Variants in ACOT1 observed in about 807,000 individuals in gnomAD.
ACOT1 encodes acyl-CoA thioesterase 1.
A neutral mutation model predicts 15.7 loss-of-function variants in ACOT1; 8 were observed. That is an observed-to-expected ratio of 0.51 (90% confidence interval 0.30 to 0.92). The LOEUF is 0.92. Among genes scored for constraint, ACOT1 ranks in the 40% least tolerant of loss-of-function variants. The pLI, the probability that ACOT1 is intolerant of heterozygous loss-of-function variation, is 0.06. For synonymous variants in ACOT1, 67 were observed against 241.2 expected (o/e 0.28, Z 6.69); for missense variants, 151 against 539.4 (o/e 0.28, Z 7.13).
chr14:73,524,322 T>A, the ACOT1 span, among the ~76,000 whole-genome samples: 1,165 of 129,450 alleles, frequency 9.0e-3, 8 homozygotes, highest in Non-Finnish European at 0.014. Flanking sequence ...TATATATATA[T>A]ATATATATAT....
At chr14:73,502,189 G>C in the ACOT1 span, among the ~76,000 whole-genome samples, 65 of 151,860 alleles carry the variant, frequency 4.3e-4, no homozygotes, top group South Asian at 0.013. Context: ...CCACTGGGCT[G>C]GGCCTCCTGT....
chr14:73,519,024 T>C, the ACOT1 span: 2 of 1,611,938 alleles, frequency 1.2e-6, no homozygotes, highest in Non-Finnish European at 1.7e-6. Flanking sequence ...CCTGCTTACA[T>C]GCTTCAGGAA....
At chr14:73,535,498 T>C (rs1383972548), upstream of ACOT1, among the ~76,000 whole-genome samples, 9 of 54,758 alleles carry the variant, frequency 1.6e-4, 1 homozygote, top group Admixed American at 7.4e-4. Flanking sequence ...TTTTTTTTTT[T>C]TTTTTTTTTG....
In ACOT1 at chr14:73,539,742, C is replaced by T. The variant is rs1482168456; in HGVS notation, c.458-1751C>T. On this transcript the variant is annotated intron_variant, in intron 1 of 2. Coordinates refer to ENST00000311148, the MANE Select transcript of ACOT1 (RefSeq NM_001037161.2). The stretch of plus-strand genomic sequence containing the variant: ...GGATGCCGTCTGGAAGCTGCCAGCA[C>T]GCGGTCCCTGTCCATCAGCACACGC... 2.5e-5 allele frequency: 3 copies of T among 118,538 alleles called. 1 individual carries two copies. Among genetic ancestry groups the T allele is most frequent in the Non-Finnish European group, 5.5e-5 (3 of 54,164 alleles). 7.3% of individuals were successfully genotyped at this position (118,538 alleles called of 1,614,324 possible).
At chr14:73,527,069 C>T in the ACOT1 span, among the ~76,000 whole-genome samples, 5 of 152,136 alleles carry the variant, frequency 3.3e-5, no homozygotes, top group Non-Finnish European at 5.9e-5. Context: ...GCAACAGTTG[C>T]AGGGGTCATA....
chr14:73,506,816 T>TTTTTTTA, the ACOT1 span, among the ~76,000 whole-genome samples: 1 of 136,174 alleles, frequency 7.3e-6, no homozygotes, highest in Non-Finnish European at 1.5e-5. Flanking sequence ...TTTTTTTTTT[T>TTTTTTTA]TTTTTTTTTC....
chr14:73,491,022 A>C, the ACOT1 span: 2 of 1,505,116 alleles, frequency 1.3e-6, no homozygotes, highest in Non-Finnish European at 1.8e-6. Context: ...CTGGCCATGG[A>C]TGGGCTCCAG....
At chr14:73,524,310 A>AAAAAAAAAAAAATAT in the ACOT1 span, among the ~76,000 whole-genome samples, 5 of 54,780 alleles carry the variant, frequency 9.1e-5, no homozygotes, top group African/African-American at 2.6e-4. Flanking sequence ...AAAAAAAAAA[A>AAAAAAAAAAAAATAT]ATATATATAT....
chr14:73,525,261 T>C, the ACOT1 span, among the ~76,000 whole-genome samples: 1 of 152,152 alleles, frequency 6.6e-6, no homozygotes, highest in African/African-American at 2.4e-5. Context: ...CTCAAACTCC[T>C]GGGGTCAACA....
At chr14:73,495,106 G>T in the ACOT1 span, 1 of 733,600 alleles carries the variant, frequency 1.4e-6, no homozygotes, top group Non-Finnish European at 2.2e-6. Context: ...CAAGAGGGAA[G>T]AGAGTACCCT....
the ACOT1 span, chr14:73,509,242 G>A: frequency 1.4e-6 from 2 of 1,440,428 alleles, no homozygotes; most frequent in African/African-American, 2.8e-5. Flanking sequence ...GGAGAGGAAA[G>A]GACTGGGAAA....
chr14:73,519,674 G>C, the ACOT1 span, among the ~76,000 whole-genome samples: 1 of 152,256 alleles, frequency 6.6e-6, no homozygotes, highest in East Asian at 1.9e-4. Flanking sequence ...AGTGAAGATA[G>C]CACCACTGCA....
the ACOT1 span, chr14:73,522,980 T>C: frequency 6.2e-7 from 1 of 1,614,216 alleles, no homozygotes; most frequent in Admixed American, 1.7e-5. Flanking sequence ...GCTCTTGCGG[T>C]GTAGACGGTA....
At chr14:73,491,891 G>C in the ACOT1 span, 1 of 1,611,708 alleles carries the variant, frequency 6.2e-7, no homozygotes, top group Non-Finnish European at 8.5e-7. Flanking sequence ...CCTGTACCAG[G>C]CCGGCTGCTC....
At chr14:73,496,702 TAG>T in the ACOT1 span, 1 of 1,275,442 alleles carries the variant, frequency 7.8e-7, no homozygotes, top group Non-Finnish European at 1.1e-6. Context: ...AAGGGCTTCT[TAG>T]ATTATTCTAC....
At chr14:73,517,685 GAAGAA>G in the ACOT1 span, among the ~76,000 whole-genome samples, 2 of 125,504 alleles carry the variant, frequency 1.6e-5, no homozygotes, top group Admixed American at 1.7e-4. Flanking sequence ...AAAAAAAGAA[GAAGAA>G]AAGAGAGAGA....
the ACOT1 span, chr14:73,509,362 T>C: frequency 6.2e-7 from 1 of 1,614,130 alleles, no homozygotes; most frequent in Non-Finnish European, 8.5e-7. Context: ...ATTATGTGAC[T>C]GTATGGCATA....
At chr14:73,493,320 C>A in the ACOT1 span, 1 of 560,048 alleles carries the variant, frequency 1.8e-6, no homozygotes, top group Non-Finnish European at 3.2e-6. Context: ...ATGGGCGGGT[C>A]GGGGTCAGTA....
chr14:73,530,642 G>C, the ACOT1 span: 3 of 120,572 alleles, frequency 2.5e-5, 1 homozygote, highest in Admixed American at 2.7e-4. Context: ...GCCTTGATTT[G>C]TTTTTTGTTT....
Sources: allele counts gnomAD v4.1 joint callset (sites outside exome capture counted in the v4.1 genomes callset), GRCh38; gene constraint gnomAD v4.1.1; transcripts MANE v1.5; gene names NCBI Gene and HGNC (gene_info 2026-07-23, HGNC 2026-07-21).